ENO4: variants seen among roughly 807,000 people sequenced by gnomAD.
ENO4 encodes enolase 4, also known as 2-phospho-D-glycerate hydro-lyase.
ENO4 carries 53 observed loss-of-function variants against 63.2 expected under a neutral mutation model. That is an observed-to-expected ratio of 0.84 (90% CI 0.67 to 1.05). ENO4 has a LOEUF of 1.05. Among genes scored for constraint, ENO4 ranks in the 50% least tolerant of loss-of-function variants. The pLI, the probability that ENO4 is intolerant of heterozygous loss-of-function variation, is 0.00. For missense variants in ENO4, 719 were observed against 772.0 expected (o/e 0.93, Z 0.81); for synonymous variants, 266 against 283.8 (o/e 0.94, Z 0.63).
At chr10:116,905,651 T>A (rs1341706175) in intron 10 of ENO4, among the ~76,000 whole-genome samples, 1 of 152,244 alleles carries the variant, frequency 6.6e-6, no homozygotes, top group Non-Finnish European at 1.5e-5. Flanking sequence ...ATATTCTTGC[T>A]ACTTAAATTT....
chr10:116,895,062 A>C (rs1847468635), intron 10 of ENO4, among the ~76,000 whole-genome samples: 1 of 152,222 alleles, frequency 6.6e-6, no homozygotes, highest in South Asian at 2.1e-4. Context: ...AGCTCTCTTA[A>C]AAAGGCATAG....
chr10:116,874,973 C>T (rs1236320320), intron 10 of ENO4, among the ~76,000 whole-genome samples: 4 of 152,182 alleles, frequency 2.6e-5, no homozygotes, highest in Non-Finnish European at 5.9e-5. Context: ...TGTGCCCGAC[C>T]TGCAAAGCCA....
chr10:116,898,866 C>T (rs1458752795), intron 10 of ENO4, among the ~76,000 whole-genome samples: 1 of 151,940 alleles, frequency 6.6e-6, no homozygotes, highest in African/African-American at 2.4e-5. Context: ...TTATAAGTCC[C>T]TAGGAAATAA....
intron 13 of ENO4, 154 bp from the exon 14 acceptor site, chr10:116,881,359 CAA>C (rs1847002518): frequency 1.7e-6 from 1 of 572,670 alleles, no homozygotes; most frequent in South Asian, 2.8e-5. Context: ...AACATATAAC[CAA>C]AGATACGCCC....
At chr10:116,910,618 G>C (rs901568211) in intron 10 of ENO4, among the ~76,000 whole-genome samples, 2 of 152,132 alleles carry the variant, frequency 1.3e-5, no homozygotes, top group Non-Finnish European at 2.9e-5. Flanking sequence ...ACTCAGTATA[G>C]TCTACTCTTT....
chr10:116,879,786 G>T, intron 12 of ENO4, 83 bp from the exon 13 acceptor site: 1 of 1,076,698 alleles, frequency 9.3e-7, no homozygotes, highest in East Asian at 2.6e-5. Flanking sequence ...CACTGTGACA[G>T]TTTCCTTTGT....
intron 13 of ENO4, among the ~76,000 whole-genome samples, chr10:116,880,834 G>A (rs1846985740): frequency 6.6e-6 from 1 of 152,140 alleles, no homozygotes; most frequent in South Asian, 2.1e-4. Context: ...GGAGGCCTTA[G>A]CTTCCCTGAA....
rs1466227331 is a variant in ENO4, at chr10:116,861,616, T to TG, written c.936+428dup. ...CTATGAGACTTTTAGTGCATATTTGTGGAGTGAATAAATCTCAAGTTGCAG... is the reference window on the plus strand; with the variant it reads ...CTATGAGACTTTTAGTGCATATTTGTGGGAGTGAATAAATCTCAAGTTGCAG... On this transcript the variant is annotated intron_variant, in intron 6 of 13. Transcript: ENST00000341276. Among the ~76,000 whole-genome samples the TG allele has an allele frequency of 7.9e-5, 12 of 152,340 alleles. No individual in the cohort carries two copies. The South Asian group carries it at 2.5e-3, about 32-fold the overall frequency.
In ENO4 at chr10:116,861,100, G is replaced by A. The variant is rs1053390256; in HGVS notation, c.846G>A (p.Ser282=). The part of the protein sequence containing the change: ...TTLSMPLLMV[S]LVSCGKSSSG... ...TATCTATGCCTTTGCTGATGGTATCGCTGGTCAGCTGTGGGAAGTCATCAT... is the reference window on the plus strand; with the variant it reads ...TATCTATGCCTTTGCTGATGGTATCACTGGTCAGCTGTGGGAAGTCATCAT... Residue 282 remains serine (S), a synonymous_variant, in exon 6 of 14, where the codon TCG becomes TCA. Transcript: ENST00000341276. 25 of 1,549,068 alleles carry A rather than the reference G, an allele frequency of 1.6e-5. No homozygotes were observed. The East Asian group carries it at 3.2e-4, about 20-fold the overall frequency.
chr10:116,874,163 C>T lies in ENO4; in HGVS notation c.1303C>T (p.Pro435Ser), dbSNP rs1846770402. The T allele has an allele frequency of 5.2e-6, 8 of 1,547,720 alleles. No homozygotes were observed. The highest frequency in any genetic ancestry group is 7.0e-6 in the Non-Finnish European group (8 of 1,145,006). Residue 435 changes from proline (P) to serine (S), a missense_variant, in exon 10 of 14, where the codon CCT becomes TCT. By Grantham distance (74) the Pro-to-Ser change is moderately conservative. Coordinates refer to ENST00000341276, the MANE Select transcript of ENO4 (RefSeq NM_001242699.2). ...GTATGTGGATCTGATCAACAAGTACCCTTCAATTATTGCCTTAATTGATCC... is the reference window on the plus strand; with the variant it reads ...GTATGTGGATCTGATCAACAAGTACTCTTCAATTATTGCCTTAATTGATCC... ...DLYVDLINKY[P>S]SIIALIDPFR...
At chr10:116,908,284 TTTA>T (rs1480705017) in intron 10 of ENO4, among the ~76,000 whole-genome samples, 1 of 152,230 alleles carries the variant, frequency 6.6e-6, no homozygotes, top group Admixed American at 6.5e-5. Flanking sequence ...TTATTTTTCA[TTTA>T]TTGTGTAAAT....
intron 11 of ENO4, among the ~76,000 whole-genome samples, chr10:116,878,501 G>A (rs1260404260): frequency 1.3e-5 from 2 of 152,154 alleles, no homozygotes; most frequent in Non-Finnish European, 2.9e-5. Flanking sequence ...CATTCAGAAT[G>A]ACAGTCCTTT....
At chr10:116,857,065 C>T (rs532764160) in intron 3 of ENO4, among the ~76,000 whole-genome samples, 1 of 151,818 alleles carries the variant, frequency 6.6e-6, no homozygotes, top group Admixed American at 6.6e-5. Flanking sequence ...TAAAATGGGT[C>T]TGTCAAATCT....
At chr10:116,877,479 G>A (rs1846871452) in intron 11 of ENO4, among the ~76,000 whole-genome samples, 1 of 152,188 alleles carries the variant, frequency 6.6e-6, no homozygotes, top group South Asian at 2.1e-4. Context: ...TGGTCTACTT[G>A]AGCAGTTTAG....
At chr10:116,878,696 C>A (rs182042725) in intron 11 of ENO4, among the ~76,000 whole-genome samples, 1 of 113,208 alleles carries the variant, frequency 8.8e-6, no homozygotes, top group Non-Finnish European at 2.2e-5. Context: ...CCCCCTACCC[C>A]CTTTTAGTGG....
chr10:116,886,369 C>T, downstream of ENO4: 1 of 1,555,950 alleles, frequency 6.4e-7, no homozygotes, highest in South Asian at 1.2e-5. Context: ...GTCTGTCTCT[C>T]TCACGTTTTC....
chr10:116,854,051 G>A (rs1193154808), intron 1 of ENO4, among the ~76,000 whole-genome samples: 1 of 152,172 alleles, frequency 6.6e-6, no homozygotes, highest in Non-Finnish European at 1.5e-5. Context: ...CAGGCTTCTC[G>A]AGTGGGCTTT....
At chr10:116,901,638 A>C in intron 10 of ENO4, 1 of 1,354,538 alleles carries the variant, frequency 7.4e-7, no homozygotes, top group Non-Finnish European at 9.4e-7. Context: ...CCATCAAATG[A>C]AAAGAAGAAG....
At chr10:116,897,257 G>A (rs887306523) in intron 10 of ENO4, among the ~76,000 whole-genome samples, 5 of 152,128 alleles carry the variant, frequency 3.3e-5, no homozygotes, top group Admixed American at 6.5e-5. Flanking sequence ...TCCTGAGGAT[G>A]TATTTTAAAA....
Sources: gnomAD v4.1 joint callset for allele counts (sites outside exome capture counted in the v4.1 genomes callset) on GRCh38, gnomAD v4.1.1 for gene constraint, MANE v1.5 for transcripts, NCBI Gene and HGNC (gene_info 2026-07-23, HGNC 2026-07-21) for gene names.